Variants in C3orf70 observed in about 807,000 individuals in gnomAD.
The protein encoded by C3orf70 is UPF0524 protein C3orf70.
Under a neutral mutation model 20.7 loss-of-function variants are expected in C3orf70, and 15 were observed. The observed-to-expected ratio is 0.72, with a 90% CI of 0.48 to 1.11. The LOEUF is 1.11. C3orf70 is among the 50% of genes most tolerant of loss of function. The probability of loss-of-function intolerance (pLI) is 0.00; values close to 1 mark genes in which losing one functional copy is unlikely to be tolerated. For missense variants in C3orf70, 332 were observed against 317.6 expected, an observed-to-expected ratio of 1.05 and a Z score of -0.34; for synonymous variants, 161 against 125.7, an observed-to-expected ratio of 1.28 and a Z score of -1.88.
intron 1 of C3orf70, among the ~76,000 whole-genome samples, chr3:185,109,993 TGCATGCCACG>T (rs1265763164): frequency 2.0e-5 from 3 of 152,214 alleles, no homozygotes; most frequent in African/African-American, 7.2e-5. Context: ...CCTGTCAGTC[TGCATGCCACG>T]GCCACACTAT....
chr3:185,083,722 AAGTC>A (rs1447259265), intron 1 of C3orf70, among the ~76,000 whole-genome samples, 159 bp from the exon 2 acceptor site: 1 of 152,228 alleles, frequency 6.6e-6, no homozygotes, highest in African/African-American at 2.4e-5. Flanking sequence ...GTCAATGAAA[AAGTC>A]AGCATGGTAT....
intron 1 of C3orf70, among the ~76,000 whole-genome samples, chr3:185,117,544 C>G (rs569285174): frequency 6.6e-6 from 1 of 151,918 alleles, no homozygotes; most frequent in Non-Finnish European, 1.5e-5. Context: ...AAACACAGAA[C>G]CTATCATGTA....
At chr3:185,084,961 C>T (rs1304733580) in intron 1 of C3orf70, among the ~76,000 whole-genome samples, 1 of 152,092 alleles carries the variant, frequency 6.6e-6, no homozygotes, top group Admixed American at 6.6e-5. Context: ...GGCTTTTAAC[C>T]TTAGCACTAC....
intron 1 of C3orf70, among the ~76,000 whole-genome samples, chr3:185,143,155 G>C (rs1394178729): frequency 6.6e-6 from 1 of 152,092 alleles, no homozygotes; most frequent in Non-Finnish European, 1.5e-5. Context: ...CTTGAGACAG[G>C]CATACTGATA....
At chr3:185,125,027 T>C (rs767605904) in intron 1 of C3orf70, among the ~76,000 whole-genome samples, 4 of 152,140 alleles carry the variant, frequency 2.6e-5, no homozygotes, top group African/African-American at 7.2e-5. Flanking sequence ...GGCAAGGATG[T>C]AGAGCAACTG....
Position 185,082,825 on chromosome 3 carries a change from A to G in C3orf70, c.*182T>C. The G allele has an allele frequency of 1.6e-6, 1 of 613,834 alleles. No homozygotes were observed. Among genetic ancestry groups the G allele is most frequent in the Non-Finnish European group, 2.9e-6 (1 of 350,808 alleles). The allele number at this position is 613,834 out of a possible 1,614,324, so 38.0% of individuals were successfully genotyped here. A position where few individuals can be genotyped will look rare whatever the true frequency, so the allele number is the denominator to read the frequency against. ...TACAAAAGAAAACTGTTTATAATAA[A>G]AAGAATGTCTTAGTTGTAAGACGGA... On this transcript the variant is annotated 3_prime_UTR_variant, in exon 2 of 2. Coordinates refer to ENST00000335012, the MANE Select transcript of C3orf70 (RefSeq NM_001025266.3).
intron 1 of C3orf70, among the ~76,000 whole-genome samples, chr3:185,127,093 G>A (rs942969974): frequency 2.0e-4 from 30 of 152,000 alleles, no homozygotes; most frequent in Middle Eastern, 3.2e-3. Flanking sequence ...TGAAAATGTC[G>A]TTCCACTGCC....
intron 1 of C3orf70, 145 bp downstream of exon 1, chr3:185,152,483 A>G (rs1717011050): frequency 3.7e-6 from 2 of 539,216 alleles, no homozygotes; most frequent in Non-Finnish European, 5.8e-6. Flanking sequence ...GCGGGCCCGG[A>G]GCCCACGGCG....
chr3:185,091,906 C>CAT (rs1715582476), intron 1 of C3orf70, among the ~76,000 whole-genome samples: 1 of 33,132 alleles, frequency 3.0e-5, no homozygotes, highest in Non-Finnish European at 7.6e-5. Context: ...TACACACACA[C>CAT]ACATACATAT....
At chr3:185,112,830 A>G (rs184801925) in intron 1 of C3orf70, among the ~76,000 whole-genome samples, 1 of 152,258 alleles carries the variant, frequency 6.6e-6, no homozygotes, top group Admixed American at 6.5e-5. Flanking sequence ...ATTTTTCACT[A>G]TATCCCTGGA....
At chr3:185,105,333 G>A (rs1248255833) in intron 1 of C3orf70, among the ~76,000 whole-genome samples, 1 of 152,204 alleles carries the variant, frequency 6.6e-6, no homozygotes, top group African/African-American at 2.4e-5. Context: ...GGGTTCACGG[G>A]AATGAGGGCA....
At chr3:185,083,668 C>T (rs1577316068) in intron 1 of C3orf70, 105 bp from the exon 2 acceptor site, 1 of 925,258 alleles carries the variant, frequency 1.1e-6, no homozygotes, top group Non-Finnish European at 1.6e-6. Flanking sequence ...ATTTCAGTAA[C>T]ACCTCAAAAG....
rs150076232 is a variant in C3orf70 at position 185,132,677 on chromosome 3, A to C, written c.196+19951T>G. On this transcript the variant is annotated intron_variant, in intron 1 of 1. Transcript: ENST00000335012. ...ATCTAATCAAAGTTCCAGAAGAAGA[A>C]GACAATGAGAATGGGGAAAGGACAG... 1.2e-3 allele frequency among the ~76,000 whole-genome samples: 189 copies of C among 152,358 alleles called. 1 individual carries two copies. Among genetic ancestry groups the C allele is most frequent in the African/African-American group, 4.4e-3 (184 of 41,596 alleles).
At chr3:185,096,714 C>T (rs1208103013) in intron 1 of C3orf70, among the ~76,000 whole-genome samples, 2 of 152,176 alleles carry the variant, frequency 1.3e-5, no homozygotes, top group Admixed American at 6.5e-5. Flanking sequence ...CCTTGGCTCA[C>T]TTACAGTCTT....
Position 185,083,522 on chromosome 3 carries a change from G to A in C3orf70, c.238C>T (p.Pro80Ser). The change falls in exon 2 of 2, where the codon CCA becomes TCA. Residue 80 changes from proline (P) to serine (S), a missense_variant. Physicochemically the swap from Pro to Ser is moderately conservative, Grantham distance 74. Transcript: ENST00000335012. ...GGCCTGGCAGGAATCTCAGTGCTTG[G>A]AAGCTGTTCCACAGGGGTCATAGGC... ...YQPMTPVEQL[P>S]STEIPARPRE... 1 of 1,612,306 alleles carries A rather than the reference G, an allele frequency of 6.2e-7. No individual in the cohort carries two copies. Among genetic ancestry groups the A allele is most frequent in the Non-Finnish European group, 8.5e-7 (1 of 1,179,498 alleles).
At chr3:185,106,096 T>C (rs965027390) in intron 1 of C3orf70, among the ~76,000 whole-genome samples, 7 of 152,156 alleles carry the variant, frequency 4.6e-5, no homozygotes, top group Admixed American at 4.6e-4. Context: ...GGGTGAAAAG[T>C]AGTTGCCCCA....
Position 185,152,847 on chromosome 3 carries a change from G to C in C3orf70, c.-24C>G, listed in dbSNP as rs914042007. ...ATTTCCTCTCCCTCCGCGCGGAGCCGACACCGGGAGCCCGGGAGAAGCGAC... is the reference window on the plus strand; with the variant it reads ...ATTTCCTCTCCCTCCGCGCGGAGCCCACACCGGGAGCCCGGGAGAAGCGAC... On this transcript the variant is annotated 5_prime_UTR_variant, in exon 1 of 2. Coordinates refer to ENST00000335012, the MANE Select transcript of C3orf70 (RefSeq NM_001025266.3). 4 of 1,496,430 alleles carry C rather than the reference G, an allele frequency of 2.7e-6. No individual in the cohort carries two copies. The highest frequency in any genetic ancestry group is 4.0e-4 in the Middle Eastern group (2 of 5,006). The allele number at this position is 1,496,430 out of a possible 1,614,324, so 92.7% of individuals were successfully genotyped here.
Position 185,079,489 on chromosome 3 carries a change from A to G in C3orf70, c.*3518T>C, listed in dbSNP as rs887740925. 2.0e-5 allele frequency: 3 copies of G among 152,074 alleles called. No individual in the cohort carries two copies. Among genetic ancestry groups the G allele is most frequent in the African/African-American group, 7.2e-5 (3 of 41,394 alleles). The allele number at this position is 152,074 out of a possible 1,614,324, so 9.4% of individuals were successfully genotyped here. A position where few individuals can be genotyped will look rare whatever the true frequency, so the allele number is the denominator to read the frequency against. ...AGGGCTGTCCTCAGATTCTTATTTC[A>G]TATCTTAAAAATGACATAGTAAAAA... On this transcript the variant is annotated 3_prime_UTR_variant, in exon 2 of 2. Coordinates refer to ENST00000335012, the MANE Select transcript of C3orf70 (RefSeq NM_001025266.3).
intron 1 of C3orf70, among the ~76,000 whole-genome samples, chr3:185,143,365 AT>A (rs1325957425): frequency 2.6e-5 from 4 of 152,166 alleles, no homozygotes; most frequent in African/African-American, 9.7e-5. Flanking sequence ...TAGTGCTTTT[AT>A]TTCACTAAAC....
Sources: allele counts gnomAD v4.1 joint callset (sites outside exome capture counted in the v4.1 genomes callset), GRCh38; gene constraint gnomAD v4.1.1; transcripts MANE v1.5; gene names NCBI Gene and HGNC (gene_info 2026-07-23, HGNC 2026-07-21).